ZMYM2: variants seen among roughly 807,000 people sequenced by gnomAD.
The protein encoded by ZMYM2 is zinc finger MYM-type containing 2.
Under a neutral mutation model 162.8 loss-of-function variants are expected in ZMYM2, and 56 were observed. The observed-to-expected ratio is 0.34, with a 90% CI of 0.28 to 0.43. The LOEUF (loss-of-function observed/expected upper bound fraction) is 0.43, where lower values mean the gene tolerates loss of function less well. ZMYM2 is among the 20% of genes least tolerant of loss of function. ZMYM2 has a pLI of 1.00. For synonymous variants in ZMYM2, 510 were observed against 541.6 expected (o/e 0.94, Z 0.81); for missense variants, 1,275 against 1,621.8 (o/e 0.79, Z 3.67).
chr13:19,884,483 C>T, the ZMYM2 span, among the ~76,000 whole-genome samples: 1 of 151,914 alleles, frequency 6.6e-6, no homozygotes, highest in Non-Finnish European at 1.5e-5. Context: ...GAGGCCGAGG[C>T]AGGAAAATAG....
At chr13:20,081,400 C>A (rs1957898257) in intron 21 of ZMYM2, among the ~76,000 whole-genome samples, 1 of 152,130 alleles carries the variant, frequency 6.6e-6, no homozygotes, top group Admixed American at 6.5e-5. Flanking sequence ...TTAAATGATT[C>A]TGTAACCACC....
chr13:19,997,310 A>G (rs6416346), intron 3 of ZMYM2, among the ~76,000 whole-genome samples: 127,070 of 152,158 alleles, frequency 0.84, 54,217 homozygotes, highest in Non-Finnish European at 0.92. Flanking sequence ...ATTTGTTCAC[A>G]TTCCTGATTA....
chr13:20,082,222 TAA>T, intron 22 of ZMYM2, 92 bp downstream of exon 22: 1 of 935,692 alleles, frequency 1.1e-6, no homozygotes, highest in Non-Finnish European at 1.6e-6. Flanking sequence ...TTAAGTCACT[TAA>T]ATTAGATAAC....
chr13:19,888,389 A>C, the ZMYM2 span, among the ~76,000 whole-genome samples: 1 of 150,998 alleles, frequency 6.6e-6, no homozygotes, highest in Non-Finnish European at 1.5e-5. Context: ...GGGTCTTGCC[A>C]TGTTGCCCAG....
chr13:19,935,696 G>A, the ZMYM2 span, among the ~76,000 whole-genome samples: 6 of 151,750 alleles, frequency 4.0e-5, no homozygotes, highest in Non-Finnish European at 8.8e-5. Flanking sequence ...CCCAGGGTGG[G>A]GTGCAGTGGC....
At chr13:19,900,403 C>G in the ZMYM2 span, among the ~76,000 whole-genome samples, 2 of 152,038 alleles carry the variant, frequency 1.3e-5, no homozygotes, top group Non-Finnish European at 2.9e-5. Flanking sequence ...AACAAAATAG[C>G]GTATCTGAAC....
chr13:19,920,134 C>A, the ZMYM2 span, among the ~76,000 whole-genome samples: 4 of 152,122 alleles, frequency 2.6e-5, no homozygotes, highest in African/African-American at 9.7e-5. Flanking sequence ...AGTTATGTAT[C>A]TATGTAGGCA....
intron 6 of ZMYM2, among the ~76,000 whole-genome samples, chr13:20,008,228 C>G (rs1477963637): frequency 6.6e-6 from 1 of 152,116 alleles, no homozygotes; most frequent in Non-Finnish European, 1.5e-5. Context: ...TTCCTGGGTT[C>G]AAATGATTCT....
chr13:19,945,951 GAAAAAA>G, the ZMYM2 span, among the ~76,000 whole-genome samples: 235 of 89,560 alleles, frequency 2.6e-3, no homozygotes, highest in Middle Eastern at 0.037. Flanking sequence ...CTCCGTCTCA[GAAAAAA>G]AAAAAAAAAA....
At position 20,041,450 on chromosome 13, in the gene ZMYM2, A is replaced by C. The variant is rs563530700; in HGVS notation, c.2292+4541A>C. On this transcript the variant is annotated intron_variant, in intron 12 of 24. Transcript: ENST00000610343. ...ATTTTGAGCCTATGTGTGTCATTGC[A>C]TGTGAGATGAGTCTCTTGAAGATAG... Among the ~76,000 whole-genome samples, 29 of 152,230 alleles carry C rather than the reference A, an allele frequency of 1.9e-4. No individual in the cohort carries two copies. In the South Asian group the frequency reaches 4.4e-3, roughly 23 times the overall value.
intron 11 of ZMYM2, 131 bp downstream of exon 11, chr13:20,034,535 G>A (rs1470480376): frequency 1.2e-6 from 1 of 820,572 alleles, no homozygotes; most frequent in African/African-American, 1.8e-5. Flanking sequence ...CGTTTCTACT[G>A]ACTTGTTTCG....
chr13:20,045,246 A>G (rs559949086), intron 12 of ZMYM2, among the ~76,000 whole-genome samples: 1 of 152,258 alleles, frequency 6.6e-6, no homozygotes, highest in East Asian at 1.9e-4. Flanking sequence ...AATATCTGCA[A>G]TTCACCATGT....
At chr13:19,947,435 G>T in the ZMYM2 span, among the ~76,000 whole-genome samples, 2 of 145,800 alleles carry the variant, frequency 1.4e-5, no homozygotes, top group Non-Finnish European at 3.0e-5. Flanking sequence ...GTTATGTATC[G>T]CTTCTTCTTC....
intron 2 of ZMYM2, among the ~76,000 whole-genome samples, chr13:19,965,881 G>T (rs1409309103): frequency 6.9e-6 from 1 of 145,488 alleles, no homozygotes. Flanking sequence ...TCAACTTGAA[G>T]CAATTCTCCT....
chr13:20,061,441 CT>C (rs1207170853), intron 17 of ZMYM2, among the ~76,000 whole-genome samples: 3 of 152,186 alleles, frequency 2.0e-5, no homozygotes, highest in African/African-American at 4.8e-5. Context: ...TCTTTGGTCT[CT>C]GTTTTAAGCA....
chr13:19,886,289 C>G, the ZMYM2 span, among the ~76,000 whole-genome samples: 1 of 150,132 alleles, frequency 6.7e-6, no homozygotes, highest in African/African-American at 2.5e-5. Context: ...CTCAGCCTCC[C>G]AAGTAGCTGG....
chr13:19,864,590 C>A, the ZMYM2 span: 1 of 153,302 alleles, frequency 6.5e-6, no homozygotes, highest in African/African-American at 2.4e-5. Context: ...GGGGCTGAGG[C>A]CTGCCCTGGG....
chr13:19,971,742 G>A (rs1422895032), intron 2 of ZMYM2, among the ~76,000 whole-genome samples: 1 of 152,064 alleles, frequency 6.6e-6, no homozygotes, highest in African/African-American at 2.4e-5. Context: ...ATGATTGCAG[G>A]CTGTAGGGGA....
the ZMYM2 span, among the ~76,000 whole-genome samples, chr13:19,933,383 A>C: frequency 3.3e-5 from 5 of 152,014 alleles, no homozygotes; most frequent in Non-Finnish European, 7.4e-5. Flanking sequence ...ATTATTAGAT[A>C]CAAATATCTG....
Sources: gnomAD v4.1 joint callset for allele counts (sites outside exome capture counted in the v4.1 genomes callset) on GRCh38, gnomAD v4.1.1 for gene constraint, MANE v1.5 for transcripts, NCBI Gene and HGNC (gene_info 2026-07-23, HGNC 2026-07-21) for gene names.